SLC35E3: variants seen among roughly 807,000 people sequenced by gnomAD.
The protein encoded by SLC35E3 is bladder cancer-overexpressed gene 1 protein.
SLC35E3 carries 28 observed loss-of-function variants against 30.8 expected under a neutral mutation model. The observed-to-expected ratio is 0.91, with a 90% CI of 0.67 to 1.25. The LOEUF (loss-of-function observed/expected upper bound fraction) is 1.25, where lower values mean the gene tolerates loss of function less well. Among genes scored for constraint, SLC35E3 ranks in the 50% most tolerant of loss-of-function variants. SLC35E3 has a pLI of 0.00. For synonymous variants in SLC35E3, 146 were observed against 149.2 expected (o/e 0.98, Z 0.16); for missense variants, 365 against 375.4 (o/e 0.97, Z 0.23).
chr12:68,752,097 G>A lies in SLC35E3; in HGVS notation c.579G>A (p.Pro193=), dbSNP rs367584107. ...NSMQLLYYQA[P]MSSAMLLVAV... is the part of the protein sequence containing the mutation. ...TGCAGCTGCTGTACTACCAGGCTCC[G>A]ATGTCATCTGCCATGTTGCTGGTTG... Residue 193 remains proline (P), a synonymous_variant, in exon 3 of 5, where the codon CCG becomes CCA. Coordinates refer to ENST00000398004, the MANE Select transcript of SLC35E3 (RefSeq NM_018656.5). The A allele has an allele frequency of 9.9e-6, 16 of 1,613,720 alleles. No homozygotes were observed. Among genetic ancestry groups the A allele is most frequent in the South Asian group, 4.4e-5 (4 of 90,996 alleles).
At chr12:68,746,966 T>A (rs1878607185) in intron 1 of SLC35E3, among the ~76,000 whole-genome samples, 187 bp downstream of exon 1, 1 of 152,160 alleles carries the variant, frequency 6.6e-6, no homozygotes. Flanking sequence ...CCCAGAAGAG[T>A]GGGCATGTGT....
At chr12:68,759,581 G>A (rs1417728044) in intron 4 of SLC35E3, among the ~76,000 whole-genome samples, 3 of 152,014 alleles carry the variant, frequency 2.0e-5, no homozygotes, top group Admixed American at 6.6e-5. Flanking sequence ...GTGCACGCCT[G>A]TAATCCCAGC....
At chr12:68,751,556 A>C (rs901189156) in intron 2 of SLC35E3, among the ~76,000 whole-genome samples, 5 of 152,078 alleles carry the variant, frequency 3.3e-5, no homozygotes, top group African/African-American at 1.2e-4. Flanking sequence ...GGCCTCCCAA[A>C]GTACTGGGAT....
In SLC35E3 at chr12:68,770,443, G is replaced by C. The variant is rs1879571928; in HGVS notation, c.*5553G>C. 6.6e-6 allele frequency: 1 copy of C among 152,450 alleles called. No individual in the cohort carries two copies. Among genetic ancestry groups the C allele is most frequent in the African/African-American group, 2.4e-5 (1 of 41,442 alleles). The allele number at this position is 152,450 out of a possible 1,614,324, so 9.4% of individuals were successfully genotyped here. A position where few individuals can be genotyped will look rare whatever the true frequency, so the allele number is the denominator to read the frequency against. On this transcript the variant is annotated 3_prime_UTR_variant, in exon 5 of 5. Transcript: ENST00000398004. ...AGTTAGAGATGGTGGTAGCTTCAAA[G>C]GTAGTGGAATGAGATAAGTGGAAAT...
chr12:68,754,908 C>T (rs568753915), intron 3 of SLC35E3, among the ~76,000 whole-genome samples: 1 of 152,264 alleles, frequency 6.6e-6, no homozygotes, highest in South Asian at 2.1e-4. Context: ...GTATAATCCT[C>T]CTATGTCTTA....
At chr12:68,756,673 A>G (rs1397942344) in intron 3 of SLC35E3, among the ~76,000 whole-genome samples, 1 of 152,218 alleles carries the variant, frequency 6.6e-6, no homozygotes, top group Non-Finnish European at 1.5e-5. Context: ...AAGTCAATAA[A>G]TGTGATACAC....
At chr12:68,754,791 G>C (rs1454409726) in intron 3 of SLC35E3, among the ~76,000 whole-genome samples, 1 of 151,828 alleles carries the variant, frequency 6.6e-6, no homozygotes, top group Non-Finnish European at 1.5e-5. Context: ...ACAGTGTCTG[G>C]CTATGTTGCC....
Position 68,764,818 on chromosome 12 carries a change from C to T in SLC35E3, c.870C>T (p.Gly290=), listed in dbSNP as rs1879331055. The T allele has an allele frequency of 6.2e-7, 1 of 1,614,142 alleles. No individual in the cohort carries two copies. The highest frequency in any genetic ancestry group is 1.1e-5 in the South Asian group (1 of 91,092). ...TTGGCATTTTATGTACATTATTTGG[C>T]ATTCTCGCCTATACCCACTTTAAGC... ...QALGILCTLF[G]ILAYTHFKLS... The change falls in exon 5 of 5, where the codon GGC becomes GGT. Residue 290 remains glycine, a synonymous_variant. Coordinates refer to ENST00000398004, the MANE Select transcript of SLC35E3 (RefSeq NM_018656.5).
rs762941770 is a variant in SLC35E3, at chr12:68,753,834, A to ACACACACACACACC, written c.672+1645_672+1646insACACACACACACCC. On this transcript the variant is annotated intron_variant, in intron 3 of 4. Coordinates refer to ENST00000398004, the MANE Select transcript of SLC35E3 (RefSeq NM_018656.5). ...TACACACACACACACACACACACAC[A>ACACACACACACACC]CCCCAATTAAACATCTATTTCTTTT... Among the ~76,000 whole-genome samples the ACACACACACACACC allele has an allele frequency of 4.7e-5, 7 of 148,044 alleles. No homozygotes were observed. The South Asian group carries it at 1.5e-3, about 32-fold the overall frequency.
chr12:68,775,784 CTAAAAATA>C lies in SLC35E3; in HGVS notation c.*10902_*10909del, dbSNP rs1466518961. The C allele has an allele frequency of 6.6e-6, 1 of 150,506 alleles. No homozygotes were observed. Among genetic ancestry groups the C allele is most frequent in the Non-Finnish European group, 1.5e-5 (1 of 67,764 alleles). The allele number at this position is 150,506 out of a possible 1,614,324, so 9.3% of individuals were successfully genotyped here. ...CCAACATGGTGAAACCCCGTCTCTA[CTAAAAATA>C]TAAAAATTAGCCAGGCATGCTGGCG... On this transcript the variant is annotated 3_prime_UTR_variant, in exon 5 of 5. Coordinates refer to ENST00000398004, the MANE Select transcript of SLC35E3 (RefSeq NM_018656.5).
chr12:68,777,853 C>T lies in SLC35E3; in HGVS notation c.*12963C>T, dbSNP rs937362222. On this transcript the variant is annotated 3_prime_UTR_variant, in exon 5 of 5. Transcript: ENST00000398004. ...TTGCTGCCGGCTGGGTGTGGTGGCT[C>T]ATGCCTATAATCCCAGCACTTTGGG... is the stretch of plus-strand genomic sequence containing the variant. 6.6e-6 allele frequency: 1 copy of T among 152,476 alleles called. No individual in the cohort carries two copies. Among genetic ancestry groups the T allele is most frequent in the African/African-American group, 2.4e-5 (1 of 41,460 alleles). The allele number at this position is 152,476 out of a possible 1,614,324, so 9.4% of individuals were successfully genotyped here.
At chr12:68,748,793 G>A (rs1242624458) in intron 2 of SLC35E3, among the ~76,000 whole-genome samples, 5 of 152,108 alleles carry the variant, frequency 3.3e-5, no homozygotes, top group Non-Finnish European at 7.4e-5. Context: ...CCTGCATGGG[G>A]AATCAAAGCC....
Position 68,771,320 on chromosome 12 carries a change from C to CTAATTATAGTTT in SLC35E3, c.*6430_*6431insTAATTATAGTTT, listed in dbSNP as rs1464300379. 6.6e-6 allele frequency: 1 copy of CTAATTATAGTTT among 151,400 alleles called. No homozygotes were observed. Among genetic ancestry groups the CTAATTATAGTTT allele is most frequent in the East Asian group, 1.9e-4 (1 of 5,174 alleles). 9.4% of individuals were successfully genotyped at this position (151,400 alleles called of 1,614,324 possible). A position where few individuals can be genotyped will look rare whatever the true frequency, so the allele number is the denominator to read the frequency against. ...TAATCAAATAATTAGTTTATAGAGG[C>CTAATTATAGTTT]CCAGAACTCAGGAAAATGTTTAGTT... On this transcript the variant is annotated 3_prime_UTR_variant, in exon 5 of 5. Coordinates refer to ENST00000398004, the MANE Select transcript of SLC35E3 (RefSeq NM_018656.5).
intron 1 of SLC35E3, 127 bp from the exon 2 acceptor site, chr12:68,747,803 A>G (rs1481364574): frequency 1.1e-5 from 6 of 545,908 alleles, no homozygotes; most frequent in Non-Finnish European, 9.8e-6. Flanking sequence ...AACAGAAAAC[A>G]TTTATACAGG....
chr12:68,762,205 G>A (rs1359654411), intron 4 of SLC35E3, among the ~76,000 whole-genome samples: 1 of 152,150 alleles, frequency 6.6e-6, no homozygotes, highest in Non-Finnish European at 1.5e-5. Flanking sequence ...TGAGCAGTAT[G>A]AAGCTGTGGT....
rs1565718188 is a variant in SLC35E3 at position 68,764,768 on chromosome 12, GATCCACTGTCC to G, written c.823_833del (p.Pro275Ter). 6.2e-7 allele frequency: 1 copy of G among 1,614,052 alleles called. No individual in the cohort carries two copies. ...ATTCGGAGGATATGTTTTATTTAAG[GATCCACTGTCC>G]ATTAATCAGGCCCTTGGCATTTTAT... On this transcript the variant is annotated frameshift_variant, in exon 5 of 5. Coordinates refer to ENST00000398004, the MANE Select transcript of SLC35E3 (RefSeq NM_018656.5). LOFTEE classifies it high-confidence loss of function.
Position 68,779,607 on chromosome 12 carries a change from AC to A in SLC35E3, c.*14718del, listed in dbSNP as rs1318818401. On this transcript the variant is annotated 3_prime_UTR_variant, in exon 5 of 5. Transcript: ENST00000398004. ...TTGAGGAAGCCATTTGCAAAACTTC[AC>A]AGGAAAGTTAAATGAATGAATGAAT... 2 of 152,214 alleles carry A rather than the reference AC, an allele frequency of 1.3e-5. No homozygotes were observed. Among genetic ancestry groups the A allele is most frequent in the Non-Finnish European group, 2.9e-5 (2 of 68,048 alleles). The allele number at this position is 152,214 out of a possible 1,614,324, so 9.4% of individuals were successfully genotyped here.
intron 3 of SLC35E3, 49 bp from the exon 4 acceptor site, chr12:68,759,108 A>T: frequency 9.9e-6 from 12 of 1,206,574 alleles, no homozygotes; most frequent in Non-Finnish European, 1.1e-5. Context: ...TTGCTTGATG[A>T]TTATGATTGC....
chr12:68,754,740 A>T (rs1878939611), intron 3 of SLC35E3, among the ~76,000 whole-genome samples: 1 of 152,104 alleles, frequency 6.6e-6, no homozygotes, highest in South Asian at 2.1e-4. Context: ...GAATTGGCAA[A>T]TCAAGGGCAT....
Sources: gnomAD v4.1 joint callset for allele counts (sites outside exome capture counted in the v4.1 genomes callset) on GRCh38, gnomAD v4.1.1 for gene constraint, MANE v1.5 for transcripts, NCBI Gene and HGNC (gene_info 2026-07-23, HGNC 2026-07-21) for gene names.